The following C1orf21 variants were observed in gnomAD, a reference collection of about 807,000 sequenced individuals.
C1orf21 encodes uncharacterized protein C1orf21.
In C1orf21, 3 loss-of-function variants were observed where a neutral mutation model predicts 18.7. The ratio of observed to expected loss-of-function variants is 0.16; its 90% CI spans 0.07 to 0.42. The LOEUF (loss-of-function observed/expected upper bound fraction) is 0.42, where lower values mean the gene tolerates loss of function less well. C1orf21 is among the 10% of genes least tolerant of loss of function. C1orf21 has a pLI of 0.99. For synonymous variants in C1orf21, 41 were observed against 46.4 expected (o/e 0.88, Z 0.47); for missense variants, 104 against 143.6 (o/e 0.72, Z 1.41).
chr1:184,450,609 A>G (rs1054520794), intron 1 of C1orf21, among the ~76,000 whole-genome samples: 2 of 152,210 alleles, frequency 1.3e-5, no homozygotes, highest in African/African-American at 4.8e-5. Context: ...ATATACATGC[A>G]TAGCCAGATA....
At chr1:184,482,189 G>T (rs964768617) in intron 2 of C1orf21, among the ~76,000 whole-genome samples, 2 of 152,190 alleles carry the variant, frequency 1.3e-5, no homozygotes, top group African/African-American at 4.8e-5. Context: ...TCATGCAGCT[G>T]CATACAGCTG....
At chr1:184,463,576 C>G (rs1412545507) in intron 1 of C1orf21, among the ~76,000 whole-genome samples, 1 of 152,092 alleles carries the variant, frequency 6.6e-6, no homozygotes, top group Non-Finnish European at 1.5e-5. Context: ...GTTTATTAAT[C>G]TTCTACTTTG....
chr1:184,585,663 C>T (rs1426530739), intron 3 of C1orf21, among the ~76,000 whole-genome samples: 1 of 152,186 alleles, frequency 6.6e-6, no homozygotes, highest in Non-Finnish European at 1.5e-5. Context: ...ATGTTCCCCT[C>T]TATGTGTCCA....
intron 3 of C1orf21, among the ~76,000 whole-genome samples, chr1:184,543,220 T>G (rs1232498294): frequency 1.3e-5 from 2 of 152,072 alleles, no homozygotes; most frequent in African/African-American, 2.4e-5. Flanking sequence ...GGTGGTGGTG[T>G]GTGCCTGTGG....
At chr1:184,579,713 G>A (rs1481285440) in intron 3 of C1orf21, among the ~76,000 whole-genome samples, 1 of 151,912 alleles carries the variant, frequency 6.6e-6, no homozygotes, top group Non-Finnish European at 1.5e-5. Flanking sequence ...GTTTCACCAT[G>A]TTGGTTAGGC....
intron 3 of C1orf21, among the ~76,000 whole-genome samples, chr1:184,513,390 G>A (rs1658179417): frequency 6.6e-6 from 1 of 152,218 alleles, no homozygotes; most frequent in South Asian, 2.1e-4. Context: ...CTGGGATTCA[G>A]AAGGAACATG....
At chr1:184,574,121 C>A (rs1332551227) in intron 3 of C1orf21, among the ~76,000 whole-genome samples, 2 of 152,152 alleles carry the variant, frequency 1.3e-5, no homozygotes, top group Admixed American at 1.3e-4. Context: ...AGGAGAATCG[C>A]TTGAACTCAG....
intron 3 of C1orf21, among the ~76,000 whole-genome samples, chr1:184,513,451 A>G (rs1168535847): frequency 2.0e-5 from 3 of 152,368 alleles, no homozygotes; most frequent in African/African-American, 4.8e-5. Context: ...AAATGAACAG[A>G]TGGTTTACAG....
At chr1:184,535,596 CTT>C (rs1242929409) in intron 3 of C1orf21, among the ~76,000 whole-genome samples, 1 of 152,198 alleles carries the variant, frequency 6.6e-6, no homozygotes, top group Non-Finnish European at 1.5e-5. Context: ...ATTGAGAACA[CTT>C]TTTCTTCATT....
intron 2 of C1orf21, among the ~76,000 whole-genome samples, chr1:184,482,601 C>A (rs1232436470): frequency 6.6e-6 from 1 of 152,082 alleles, no homozygotes; most frequent in African/African-American, 2.4e-5. Context: ...ATAAAGTGAC[C>A]TTATTTATGC....
intron 1 of C1orf21, among the ~76,000 whole-genome samples, chr1:184,404,500 C>T (rs778115875): frequency 2.6e-5 from 4 of 151,994 alleles, no homozygotes; most frequent in South Asian, 2.1e-4. Context: ...GCAGAAGAGC[C>T]GAGAGAAAGT....
intron 1 of C1orf21, among the ~76,000 whole-genome samples, chr1:184,436,863 T>A (rs924832229): frequency 6.6e-5 from 10 of 152,136 alleles, no homozygotes; most frequent in Admixed American, 2.0e-4. Flanking sequence ...AAAGAAATGA[T>A]GGCATATGAT....
In C1orf21 at chr1:184,490,514, C is replaced by A. The variant is rs983384499; in HGVS notation, c.94+12911C>A. On this transcript the variant is annotated intron_variant, in intron 2 of 5. Transcript: ENST00000235307. ...GAGGTACACCACACATACAATATAGCAGGGGAGACTGGGAAACTTTAACCA... is the reference window on the plus strand; with the variant it reads ...GAGGTACACCACACATACAATATAGAAGGGGAGACTGGGAAACTTTAACCA... Among the ~76,000 whole-genome samples, 17 of 152,152 alleles carry A rather than the reference C, an allele frequency of 1.1e-4. 1 individual carries two copies. The highest frequency in any genetic ancestry group is 1.3e-4 in the Admixed American group (2 of 15,270).
intron 3 of C1orf21, among the ~76,000 whole-genome samples, chr1:184,529,797 G>A (rs1252461802): frequency 1.3e-5 from 2 of 152,114 alleles, no homozygotes; most frequent in African/African-American, 2.4e-5. Context: ...GAAGTCATTG[G>A]GTCTGATATC....
intron 1 of C1orf21, among the ~76,000 whole-genome samples, chr1:184,394,109 C>T (rs969120209): frequency 6.6e-6 from 1 of 152,192 alleles, no homozygotes; most frequent in African/African-American, 2.4e-5. Context: ...TGACTCACTA[C>T]ATATGAATTT....
intron 2 of C1orf21, among the ~76,000 whole-genome samples, chr1:184,493,360 A>G (rs1017292464): frequency 2.6e-5 from 4 of 152,274 alleles, no homozygotes; most frequent in Admixed American, 6.5e-5. Context: ...GTTTATGTAC[A>G]TGGCTATAAG....
chr1:184,412,980 G>C (rs1475483641), intron 1 of C1orf21, among the ~76,000 whole-genome samples: 11 of 152,140 alleles, frequency 7.2e-5, no homozygotes, highest in Non-Finnish European at 4.4e-5. Context: ...AGCCTTTCTA[G>C]AAATAATTCT....
At chr1:184,598,137 C>T (rs1271116176) in intron 4 of C1orf21, among the ~76,000 whole-genome samples, 1 of 151,684 alleles carries the variant, frequency 6.6e-6, no homozygotes. Context: ...GCATTCAGCT[C>T]CTAGTAACAT....
chr1:184,597,939 C>T (rs960232883), intron 4 of C1orf21, among the ~76,000 whole-genome samples: 11 of 152,068 alleles, frequency 7.2e-5, no homozygotes, highest in African/African-American at 4.8e-5. Context: ...TGTTTGCCAC[C>T]GGCCCACACC....
Sources: allele counts gnomAD v4.1 joint callset (sites outside exome capture counted in the v4.1 genomes callset), GRCh38; gene constraint gnomAD v4.1.1; transcripts MANE v1.5; gene names NCBI Gene and HGNC (gene_info 2026-07-23, HGNC 2026-07-21).